The following GLRA1 variants were observed in gnomAD, a reference collection of about 807,000 sequenced individuals.
The protein encoded by GLRA1 is glycine receptor alpha 1, also known as glycine receptor subunit alpha-1.
GLRA1 carries 37 observed loss-of-function variants against 48.3 expected under a neutral mutation model. That is an observed-to-expected ratio of 0.77 (90% CI 0.59 to 1.01). The LOEUF is 1.01. Ranked by LOEUF, GLRA1 falls within the 50% of genes least tolerant of loss-of-function variation. GLRA1 has a pLI of 0.00. For synonymous variants in GLRA1, 196 were observed against 210.7 expected (o/e 0.93, Z 0.60); for missense variants, 427 against 571.0 (o/e 0.75, Z 2.57).
chr5:151,915,922 GCT>G lies in GLRA1; in HGVS notation c.56+8570_56+8571del, dbSNP rs200206611. Among the ~76,000 whole-genome samples, 1,269 of 152,200 alleles carry G rather than the reference GCT, an allele frequency of 8.3e-3. 16 individuals are homozygous for G. The highest frequency in any genetic ancestry group is 0.017 in the Middle Eastern group (5 of 294). ...TCTGGCCAAGAGTAGGAAGAACAAG[GCT>G]CTGTCAAACCAAAGGCCAATGAAAA... is the stretch of plus-strand genomic sequence containing the variant. On this transcript the variant is annotated intron_variant, in intron 1 of 8. Transcript: ENST00000274576.
chr5:151,831,121 A>G (rs1268838915), intron 7 of GLRA1, among the ~76,000 whole-genome samples: 2 of 152,216 alleles, frequency 1.3e-5, no homozygotes, highest in East Asian at 3.8e-4. Flanking sequence ...CCGGCCCCAG[A>G]TACTACTCTT....
chr5:151,900,707 G>T (rs1330226791), intron 1 of GLRA1, among the ~76,000 whole-genome samples: 2 of 152,154 alleles, frequency 1.3e-5, no homozygotes, highest in African/African-American at 2.4e-5. Context: ...CCAGGTGCAT[G>T]TGTGAAGGCT....
In GLRA1 at chr5:151,924,511, C is replaced by G. The variant is rs141704405; in HGVS notation, c.39G>C (p.Glu13Asp). The stretch of plus-strand genomic sequence containing the variant: ...TTGCATACCTGAAGAATACAATGGT[C>G]TCCCAAAGGTAGAGTCGAAGAGTAT... ...SFNTLRLYLW[E>D]TIVFFSLAAS... Residue 13 changes from glutamate (E) to aspartate (D), a missense_variant, in exon 1 of 9, where the codon GAG (glutamate) becomes GAC (aspartate). Physicochemically the swap from Glu to Asp is conservative, Grantham distance 45 (BLOSUM62 2). Coordinates refer to ENST00000274576, the MANE Select transcript of GLRA1 (RefSeq NM_000171.4). 6 of 1,601,192 alleles carry G rather than the reference C, an allele frequency of 3.7e-6. No individual in the cohort carries two copies. The highest frequency in any genetic ancestry group is 5.1e-6 in the Non-Finnish European group (6 of 1,168,254).
chr5:151,890,332 A>G (rs116969221), intron 2 of GLRA1, among the ~76,000 whole-genome samples: 1,654 of 152,298 alleles, frequency 0.011, 16 homozygotes, highest in East Asian at 0.043. Flanking sequence ...TAAACCCTGG[A>G]TGCACCCACA....
At chr5:151,919,042 T>C (rs1398894098) in intron 1 of GLRA1, among the ~76,000 whole-genome samples, 2 of 152,220 alleles carry the variant, frequency 1.3e-5, no homozygotes, top group Admixed American at 1.3e-4. Flanking sequence ...ATTTTAAACA[T>C]TTCAAAGGCT....
chr5:151,853,955 G>A (rs1752973045), intron 6 of GLRA1, among the ~76,000 whole-genome samples: 1 of 152,174 alleles, frequency 6.6e-6, no homozygotes, highest in Admixed American at 6.5e-5. Context: ...TACTTAGCTT[G>A]AGTGTGGTAA....
intron 3 of GLRA1, among the ~76,000 whole-genome samples, chr5:151,863,362 G>A (rs1753252713): frequency 6.6e-6 from 1 of 152,108 alleles, no homozygotes; most frequent in Non-Finnish European, 1.5e-5. Flanking sequence ...GGTCCAGGCT[G>A]CAGTGAACCA....
At chr5:151,844,656 AAG>A (rs1220573234) in intron 7 of GLRA1, among the ~76,000 whole-genome samples, 1 of 151,002 alleles carries the variant, frequency 6.6e-6, no homozygotes, top group Non-Finnish European at 1.5e-5. Context: ...AAGAAAAAAA[AAG>A]ACACCAAAAG....
rs376716212 is a variant in GLRA1 at position 151,903,930 on chromosome 5, G to A, written c.57-11492C>T. Among the ~76,000 whole-genome samples the A allele has an allele frequency of 4.6e-4, 70 of 152,292 alleles. 1 individual carries two copies. In the Middle Eastern group the frequency reaches 0.014, roughly 30 times the overall value. On this transcript the variant is annotated intron_variant, in intron 1 of 8. Coordinates refer to ENST00000274576, the MANE Select transcript of GLRA1 (RefSeq NM_000171.4). ...GCAGAGCTGATACATAAATCTAATC[G>A]AGGTGAAATTTTGGCGCAAGTTTTG... is the stretch of plus-strand genomic sequence containing the variant.
At chr5:151,837,002 C>CA (rs1282366662) in intron 7 of GLRA1, among the ~76,000 whole-genome samples, 1 of 151,720 alleles carries the variant, frequency 6.6e-6, no homozygotes, top group Non-Finnish European at 1.5e-5. Flanking sequence ...AACAAAAAAC[C>CA]AAAAAACTAT....
At chr5:151,903,973 T>C (rs998904677) in intron 1 of GLRA1, among the ~76,000 whole-genome samples, 4 of 152,218 alleles carry the variant, frequency 2.6e-5, no homozygotes, top group Non-Finnish European at 5.9e-5. Flanking sequence ...TGTTCAAATC[T>C]GCTAAAACAG....
At chr5:151,871,624 G>A (rs899876437) in intron 3 of GLRA1, among the ~76,000 whole-genome samples, 2 of 147,134 alleles carry the variant, frequency 1.4e-5, no homozygotes, top group Non-Finnish European at 2.9e-5. Flanking sequence ...GCAGTGGCAC[G>A]ATCTCGGCTC....
intron 3 of GLRA1, among the ~76,000 whole-genome samples, chr5:151,874,789 C>A (rs911780913): frequency 1.3e-5 from 2 of 152,052 alleles, no homozygotes; most frequent in African/African-American, 4.8e-5. Context: ...GCCAGGCATG[C>A]AAAGATCTTT....
At chr5:151,878,404 G>A (rs1276024564) in intron 3 of GLRA1, among the ~76,000 whole-genome samples, 1 of 152,206 alleles carries the variant, frequency 6.6e-6, no homozygotes, top group East Asian at 1.9e-4. Context: ...GCCTGACAAT[G>A]TGCTAGAAAA....
chr5:151,908,693 A>G (rs150447876), intron 1 of GLRA1, among the ~76,000 whole-genome samples: 13 of 151,986 alleles, frequency 8.6e-5, no homozygotes, highest in African/African-American at 3.1e-4. Context: ...TTCTTGCTCA[A>G]TACTCTTTCT....
At chr5:151,870,905 G>A (rs1753464257) in intron 3 of GLRA1, among the ~76,000 whole-genome samples, 1 of 149,898 alleles carries the variant, frequency 6.7e-6, no homozygotes, top group Admixed American at 6.6e-5. Context: ...ACAATAGAAA[G>A]TCTTACTGTA....
chr5:151,833,817 C>CAAAA (rs766149505), intron 7 of GLRA1, among the ~76,000 whole-genome samples: 65 of 79,156 alleles, frequency 8.2e-4, no homozygotes, highest in African/African-American at 2.4e-3. Context: ...AAAAAAAAAG[C>CAAAA]AGGGGTTGCA....
intron 7 of GLRA1, chr5:151,849,933 G>A (rs1170612995): frequency 1.3e-6 from 2 of 1,555,538 alleles, no homozygotes; most frequent in Non-Finnish European, 1.7e-6. Flanking sequence ...GCCATGTTTT[G>A]GGATACCTTC....
At position 151,827,132 on chromosome 5, in the gene GLRA1, A is replaced by G. The variant is rs186277222; in HGVS notation, c.1059+1789T>C. The stretch of plus-strand genomic sequence containing the variant: ...CACCTCAGTCTTCCTAGTAGTTGGG[A>G]TTATAGGCACAAGCCATCATGCCAG... On this transcript the variant is annotated intron_variant, in intron 8 of 8. Transcript: ENST00000274576. 5.7e-4 allele frequency among the ~76,000 whole-genome samples: 83 copies of G among 145,662 alleles called. 2 individuals are homozygous for G. In the East Asian group the frequency reaches 0.011, roughly 20 times the overall value.
Sources: allele counts gnomAD v4.1 joint callset (sites outside exome capture counted in the v4.1 genomes callset), GRCh38; gene constraint gnomAD v4.1.1; transcripts MANE v1.5; gene names NCBI Gene and HGNC (gene_info 2026-07-23, HGNC 2026-07-21).